The following BNIP2 variants were observed in gnomAD, a reference collection of about 807,000 sequenced individuals.
BNIP2 encodes BCL2 interacting protein 2.
Under a neutral mutation model 43.4 loss-of-function variants are expected in BNIP2, and 36 were observed. That is an observed-to-expected ratio of 0.83 (90% CI 0.64 to 1.10). BNIP2 has a LOEUF of 1.10. Ranked by LOEUF, BNIP2 falls within the 50% of genes least tolerant of loss-of-function variation. BNIP2 has a pLI of 0.00. For synonymous variants in BNIP2, 146 were observed against 121.0 expected, an observed-to-expected ratio of 1.21 and a Z score of -1.35; for missense variants, 417 against 374.1, an observed-to-expected ratio of 1.11 and a Z score of -0.95.
chr15:59,667,476 A>G (rs1017371914), intron 9 of BNIP2, among the ~76,000 whole-genome samples: 4 of 152,232 alleles, frequency 2.6e-5, no homozygotes, highest in Admixed American at 2.0e-4. Context: ...CAAGGTATCA[A>G]TAGATAATAG....
intron 1 of BNIP2, chr15:59,688,704 G>T: frequency 6.5e-7 from 1 of 1,535,024 alleles, no homozygotes; most frequent in Non-Finnish European, 8.7e-7. Context: ...CTGCTTCCGT[G>T]TCTATTCCCC....
chr15:59,664,153 C>G (rs777275104), intron 9 of BNIP2, 33 bp from the exon 10 acceptor site: 2 of 1,363,036 alleles, frequency 1.5e-6, no homozygotes, highest in Non-Finnish European at 2.0e-6. Flanking sequence ...AATAAGAAAC[C>G]AGCAACTGAA....
At chr15:59,685,725 A>T (rs577810720) in intron 1 of BNIP2, among the ~76,000 whole-genome samples, 2 of 152,312 alleles carry the variant, frequency 1.3e-5, no homozygotes, top group South Asian at 4.1e-4. Context: ...GATTTACTCT[A>T]CCATTTCATC....
chr15:59,677,092 TC>T (rs1893350836), intron 5 of BNIP2: 2 of 1,610,036 alleles, frequency 1.2e-6, no homozygotes, highest in East Asian at 4.5e-5. Flanking sequence ...AGCACTACCT[TC>T]ATAGAAATGG....
At chr15:59,669,768 T>C (rs758356707) in intron 7 of BNIP2, among the ~76,000 whole-genome samples, 2 of 152,336 alleles carry the variant, frequency 1.3e-5, no homozygotes, top group East Asian at 3.8e-4. Context: ...GAAGTGTGAG[T>C]GGAGAAGATG....
intron 9 of BNIP2, among the ~76,000 whole-genome samples, chr15:59,667,588 A>C (rs1892641259): frequency 6.6e-6 from 1 of 152,250 alleles, no homozygotes; most frequent in South Asian, 2.1e-4. Flanking sequence ...ATTTTATCAC[A>C]TGTAGAATTT....
At chr15:59,667,347 T>C (rs1892626516) in intron 9 of BNIP2, among the ~76,000 whole-genome samples, 1 of 152,220 alleles carries the variant, frequency 6.6e-6, no homozygotes, top group Non-Finnish European at 1.5e-5. Flanking sequence ...AAACTATGTT[T>C]TGCTAATTTA....
At chr15:59,685,227 T>C (rs1368391862) in intron 1 of BNIP2, among the ~76,000 whole-genome samples, 4 of 152,184 alleles carry the variant, frequency 2.6e-5, no homozygotes, top group Non-Finnish European at 4.4e-5. Flanking sequence ...AGGCCGGACG[T>C]GGTGGCTCAC....
chr15:59,681,246 G>A (rs993935194), intron 2 of BNIP2, among the ~76,000 whole-genome samples: 4 of 152,186 alleles, frequency 2.6e-5, no homozygotes, highest in Admixed American at 2.0e-4. Flanking sequence ...TTATGCACTA[G>A]GATGTCTTCT....
chr15:59,680,332 T>A (rs745465177), intron 2 of BNIP2, 24 bp from the exon 3 acceptor site: 1 of 1,555,832 alleles, frequency 6.4e-7, no homozygotes, highest in African/African-American at 1.4e-5. Context: ...GCATACTTTT[T>A]AATCCAGAAA....
chr15:59,664,226 C>A, intron 9 of BNIP2, 106 bp from the exon 10 acceptor site: 1 of 671,124 alleles, frequency 1.5e-6, no homozygotes, highest in African/African-American at 1.9e-5. Context: ...AAAGACAAAG[C>A]TTTGCAAAGA....
chr15:59,668,781 C>G, intron 9 of BNIP2, 111 bp downstream of exon 9: 1 of 949,640 alleles, frequency 1.1e-6, no homozygotes, highest in Non-Finnish European at 1.6e-6. Flanking sequence ...CACGCGCGCG[C>G]GCGCACAGTT....
rs1181785992 is a variant in BNIP2, at chr15:59,689,153, C to A, written c.-76G>T. The stretch of plus-strand genomic sequence containing the variant: ...CACTCACCCCGGAGGAAGCCTTGGC[C>A]CCCTCGTCCTCTTCGCCCCTCCAGG... On this transcript the variant is annotated 5_prime_UTR_variant, in exon 1 of 10. Coordinates refer to ENST00000607373, the MANE Select transcript of BNIP2 (RefSeq NM_004330.4). 1 of 1,537,614 alleles carries A rather than the reference C, an allele frequency of 6.5e-7. No individual in the cohort carries two copies. The highest frequency in any genetic ancestry group is 1.4e-5 in the African/African-American group (1 of 73,074).
chr15:59,668,875 A>C lies in BNIP2; in HGVS notation c.893+17T>G, dbSNP rs1356108716. ...TGTTAAGATCCAATACAATTAAGGA[A>C]ATAAAACAAAACATACTGTTTTATG... On this transcript the variant is annotated intron_variant, in intron 9 of 9. Coordinates refer to ENST00000607373, the MANE Select transcript of BNIP2 (RefSeq NM_004330.4). 6.3e-7 allele frequency: 1 copy of C among 1,591,490 alleles called. No individual in the cohort carries two copies. The highest frequency in any genetic ancestry group is 8.6e-7 in the Non-Finnish European group (1 of 1,161,864).
chr15:59,676,794 G>A (rs1893325295), intron 5 of BNIP2: 2 of 1,515,210 alleles, frequency 1.3e-6, no homozygotes, highest in Admixed American at 2.0e-5. Context: ...ATCTGCGGTG[G>A]CCGCCTGGCC....
rs754263928 is a variant in BNIP2, at chr15:59,674,090, C to CAAAAAAAAAAAAAAA, written c.473-1352_473-1351insTTTTTTTTTTTTTTT. On this transcript the variant is annotated intron_variant, in intron 5 of 9. Transcript: ENST00000607373. ...GGGCAACAGAGCAAGACTTGGGTCTCAAAAAAAAAACAAAAACAAAAACAA... is the reference window on the plus strand; with the variant it reads ...GGGCAACAGAGCAAGACTTGGGTCTCAAAAAAAAAAAAAAAAAAAAAAAAACAAAAACAAAAACAA... Among the ~76,000 whole-genome samples, 43 of 91,388 alleles carry CAAAAAAAAAAAAAAA rather than the reference C, an allele frequency of 4.7e-4. 1 individual carries two copies. Among genetic ancestry groups the CAAAAAAAAAAAAAAA allele is most frequent in the East Asian group, 9.4e-4 (3 of 3,194 alleles). The allele number at this position is 91,388 out of a possible 152,430, so 60.0% of individuals were successfully genotyped here. A position where few individuals can be genotyped will look rare whatever the true frequency, so the allele number is the denominator to read the frequency against.
chr15:59,672,847 G>C (rs1397848966), intron 5 of BNIP2, 108 bp from the exon 6 acceptor site: 2 of 722,724 alleles, frequency 2.8e-6, no homozygotes, highest in Admixed American at 2.9e-5. Context: ...ACTTTTCACA[G>C]ATTTCTGTAT....
chr15:59,678,805 G>C, intron 4 of BNIP2: 6 of 1,303,042 alleles, frequency 4.6e-6, no homozygotes, highest in South Asian at 1.2e-5. Context: ...AGACAAAGCT[G>C]TTAACGGAAA....
At position 59,661,266 on chromosome 15, in the gene BNIP2, G is replaced by T. The variant is rs142085438; in HGVS notation, c.*2803C>A. 1 of 140,646 alleles carries T rather than the reference G, an allele frequency of 7.1e-6. No individual in the cohort carries two copies. Among genetic ancestry groups the T allele is most frequent in the Non-Finnish European group, 1.5e-5 (1 of 66,374 alleles). 8.7% of individuals were successfully genotyped at this position (140,646 alleles called of 1,614,324 possible). A position where few individuals can be genotyped will look rare whatever the true frequency, so the allele number is the denominator to read the frequency against. On this transcript the variant is annotated 3_prime_UTR_variant, in exon 10 of 10. Transcript: ENST00000607373. ...AAATGCTTGAACCCGGGAGGCAGAG[G>T]TTGCAGTGAGCCAGGATTGCGCCAC...
Sources: allele counts gnomAD v4.1 joint callset (sites outside exome capture counted in the v4.1 genomes callset), GRCh38; gene constraint gnomAD v4.1.1; transcripts MANE v1.5; gene names NCBI Gene and HGNC (gene_info 2026-07-23, HGNC 2026-07-21).